The following PABPC4L variants were observed in gnomAD, a reference collection of about 807,000 sequenced individuals.
PABPC4L encodes poly(A) binding protein cytoplasmic 4 like.
For synonymous variants in PABPC4L, 169 were observed against 164.1 expected (o/e 1.03, Z -0.23); for missense variants, 452 against 451.4 (o/e 1.00, Z -0.01).
the PABPC4L span, among the ~76,000 whole-genome samples, chr4:133,951,795 G>T: frequency 6.6e-6 from 1 of 151,894 alleles, no homozygotes; most frequent in South Asian, 2.1e-4. Context: ...TTACTAGAAG[G>T]GTCAGGTTCC....
chr4:134,133,520 T>C, the PABPC4L span, among the ~76,000 whole-genome samples: 1 of 149,908 alleles, frequency 6.7e-6, no homozygotes, highest in Non-Finnish European at 1.5e-5. Context: ...AATGAAATAA[T>C]GGCATTTGCA....
chr4:134,144,429 A>G, the PABPC4L span, among the ~76,000 whole-genome samples: 1 of 151,508 alleles, frequency 6.6e-6, no homozygotes, highest in Admixed American at 6.6e-5. Flanking sequence ...TACAAACTAC[A>G]CTTTAAAAGA....
the PABPC4L span, among the ~76,000 whole-genome samples, chr4:134,147,861 A>G: frequency 6.6e-6 from 1 of 151,978 alleles, no homozygotes; most frequent in Non-Finnish European, 1.5e-5. Flanking sequence ...TGGAAAAATG[A>G]TAGGGAAGAA....
At chr4:134,157,409 A>G in the PABPC4L span, among the ~76,000 whole-genome samples, 2 of 151,752 alleles carry the variant, frequency 1.3e-5, no homozygotes, top group Non-Finnish European at 3.0e-5. Context: ...TATTGATGAC[A>G]GATGTTCAGT....
At chr4:134,178,515 G>A in the PABPC4L span, among the ~76,000 whole-genome samples, 2 of 151,848 alleles carry the variant, frequency 1.3e-5, no homozygotes, top group African/African-American at 2.4e-5. Flanking sequence ...GATTGCACTC[G>A]TTCACCAGCA....
the PABPC4L span, among the ~76,000 whole-genome samples, chr4:133,974,827 A>C: frequency 6.6e-6 from 1 of 152,140 alleles, no homozygotes; most frequent in East Asian, 1.9e-4. Context: ...TATTGCTGTA[A>C]ATAAAAATAT....
the PABPC4L span, among the ~76,000 whole-genome samples, chr4:134,047,212 T>C: frequency 6.6e-6 from 1 of 152,122 alleles, no homozygotes; most frequent in Non-Finnish European, 1.5e-5. Flanking sequence ...CATATTGCAG[T>C]GGTGGTTCAG....
rs764036897 is a variant in PABPC4L, at chr4:134,201,087, A to G, written c.-68T>C. ...TGAGCAATCCCTGTGGGGGGATACT[A>G]GGTCACAGCTTTGGCCCGGTTCAAG... On this transcript the variant is annotated 5_prime_UTR_variant, in exon 2 of 2. Coordinates refer to ENST00000421491, the MANE Select transcript of PABPC4L (RefSeq NM_001114734.2). The G allele has an allele frequency of 1.5e-4, 238 of 1,551,018 alleles. 1 individual carries two copies. Among genetic ancestry groups the G allele is most frequent in the Non-Finnish European group, 2.0e-4 (230 of 1,146,926 alleles).
the PABPC4L span, among the ~76,000 whole-genome samples, chr4:134,171,428 GA>G: frequency 1.3e-5 from 2 of 152,080 alleles, no homozygotes; most frequent in Non-Finnish European, 2.9e-5. Context: ...GCATTACTGT[GA>G]AAAGTGACTG....
the PABPC4L span, among the ~76,000 whole-genome samples, chr4:134,184,430 C>T: frequency 6.6e-6 from 1 of 152,004 alleles, no homozygotes; most frequent in South Asian, 2.1e-4. Context: ...CCACTGGCAA[C>T]CACTGATTTT....
chr4:134,112,273 T>C, the PABPC4L span, among the ~76,000 whole-genome samples: 4 of 151,958 alleles, frequency 2.6e-5, no homozygotes, highest in Non-Finnish European at 5.9e-5. Flanking sequence ...ACATTCAAAC[T>C]CTGATTTCTG....
chr4:134,057,119 G>T, the PABPC4L span, among the ~76,000 whole-genome samples: 1 of 151,924 alleles, frequency 6.6e-6, no homozygotes, highest in Non-Finnish European at 1.5e-5. Context: ...GTGTTATTTT[G>T]TGTGTGTACA....
the PABPC4L span, among the ~76,000 whole-genome samples, chr4:133,980,392 A>G: frequency 6.6e-6 from 1 of 152,176 alleles, no homozygotes; most frequent in Non-Finnish European, 1.5e-5. Flanking sequence ...GTGGTCTTAG[A>G]ATCAACCCAC....
chr4:134,189,677 G>C, the PABPC4L span, among the ~76,000 whole-genome samples: 18 of 152,158 alleles, frequency 1.2e-4, 1 homozygote, highest in Admixed American at 1.0e-3. Context: ...GCATCCTGTA[G>C]TCTTATGATT....
the PABPC4L span, among the ~76,000 whole-genome samples, chr4:134,056,466 G>A: frequency 1.3e-5 from 2 of 151,798 alleles, no homozygotes; most frequent in Non-Finnish European, 2.9e-5. Context: ...TACAGTCCAT[G>A]AGCATAGTAT....
chr4:133,980,048 A>AT, the PABPC4L span, among the ~76,000 whole-genome samples: 1 of 152,270 alleles, frequency 6.6e-6, no homozygotes, highest in East Asian at 1.9e-4. Context: ...TACTAGGTAC[A>AT]TGTTTTACTA....
the PABPC4L span, among the ~76,000 whole-genome samples, chr4:133,989,438 A>T: frequency 6.6e-6 from 1 of 152,184 alleles, no homozygotes; most frequent in African/African-American, 2.4e-5. Context: ...GTCTCTTTGC[A>T]TAACAAGAGT....
chr4:133,980,890 G>A, the PABPC4L span, among the ~76,000 whole-genome samples: 686 of 152,330 alleles, frequency 4.5e-3, 33 homozygotes, highest in Admixed American at 0.04. Context: ...GGGCACAGTG[G>A]CTCACGCCTG....
chr4:133,992,882 A>G, the PABPC4L span, among the ~76,000 whole-genome samples: 1 of 152,028 alleles, frequency 6.6e-6, no homozygotes, highest in African/African-American at 2.4e-5. Context: ...GTGTCATCTG[A>G]GGAAGCCACA....
Sources: gnomAD v4.1 joint callset for allele counts (sites outside exome capture counted in the v4.1 genomes callset) on GRCh38, gnomAD v4.1.1 for gene constraint, MANE v1.5 for transcripts, NCBI Gene and HGNC (gene_info 2026-07-23, HGNC 2026-07-21) for gene names.